The following LHFPL3 variants were observed in gnomAD, a reference collection of about 807,000 sequenced individuals.
The protein encoded by LHFPL3 is LHFPL tetraspan subfamily member 3.
A neutral mutation model predicts 19.3 loss-of-function variants in LHFPL3; 5 were observed. The observed-to-expected ratio is 0.26, with a 90% CI of 0.14 to 0.54. The LOEUF (loss-of-function observed/expected upper bound fraction) is 0.54, where lower values mean the gene tolerates loss of function less well. Among genes scored for constraint, LHFPL3 ranks in the 20% least tolerant of loss-of-function variants. LHFPL3 has a pLI of 0.94. For missense variants in LHFPL3, 249 were observed against 307.4 expected (o/e 0.81, Z 1.42); for synonymous variants, 133 against 126.2 (o/e 1.05, Z -0.36).
At chr7:104,682,675 G>A (rs1400087337) in intron 1 of LHFPL3, among the ~76,000 whole-genome samples, 1 of 152,112 alleles carries the variant, frequency 6.6e-6, no homozygotes, top group African/African-American at 2.4e-5. Context: ...TGGATAAATG[G>A]GGCCCCTTCC....
intron 1 of LHFPL3, among the ~76,000 whole-genome samples, chr7:104,666,226 ATTG>A (rs1283212063): frequency 6.6e-6 from 1 of 152,046 alleles, no homozygotes; most frequent in Non-Finnish European, 1.5e-5. Context: ...TATACAATAT[ATTG>A]TTGTTAACTA....
chr7:104,730,838 T>G (rs563399742), intron 1 of LHFPL3, among the ~76,000 whole-genome samples: 187 of 152,234 alleles, frequency 1.2e-3, no homozygotes, highest in African/African-American at 4.2e-3. Flanking sequence ...TGTCCTGAAT[T>G]GTATCGCCTA....
At chr7:104,642,905 G>A (rs905928760) in intron 1 of LHFPL3, among the ~76,000 whole-genome samples, 69 of 152,240 alleles carry the variant, frequency 4.5e-4, no homozygotes, top group Admixed American at 3.1e-3. Context: ...TTGTGTTGTT[G>A]TTATTGTTTT....
At position 104,645,623 on chromosome 7, in the gene LHFPL3, C is replaced by G. The variant is rs1033912039; in HGVS notation, c.446-91052C>G. Among the ~76,000 whole-genome samples, 27 of 148,450 alleles carry G rather than the reference C, an allele frequency of 1.8e-4. 1 individual carries two copies. Among genetic ancestry groups the G allele is most frequent in the African/African-American group, 6.5e-4 (26 of 40,150 alleles). ...TAAATCTTCATGGAAAGTGAGGCAA[C>G]TCTCCTGACATATTTGCTCTATTGG... On this transcript the variant is annotated intron_variant, in intron 1 of 2. Transcript: ENST00000424859.
chr7:104,432,324 G>C (rs1792018562), intron 1 of LHFPL3, among the ~76,000 whole-genome samples: 1 of 152,174 alleles, frequency 6.6e-6, no homozygotes, highest in South Asian at 2.1e-4. Context: ...ATCTTGTCAA[G>C]ACCTAGAAGA....
intron 1 of LHFPL3, among the ~76,000 whole-genome samples, chr7:104,414,997 G>C (rs150024167): frequency 6.6e-6 from 1 of 152,074 alleles, no homozygotes; most frequent in Non-Finnish European, 1.5e-5. Context: ...GTTACATTTC[G>C]GGTAAATGTT....
intron 1 of LHFPL3, among the ~76,000 whole-genome samples, chr7:104,532,218 G>A (rs1403543218): frequency 6.6e-6 from 1 of 151,026 alleles, no homozygotes; most frequent in African/African-American, 2.4e-5. Context: ...CTGGGCTCAA[G>A]CCATCCTCCT....
chr7:104,437,996 T>C (rs1199264160), intron 1 of LHFPL3, among the ~76,000 whole-genome samples: 1 of 152,026 alleles, frequency 6.6e-6, no homozygotes, highest in African/African-American at 2.4e-5. Context: ...CATACAGGAG[T>C]CCATTAAGAG....
intron 1 of LHFPL3, among the ~76,000 whole-genome samples, chr7:104,568,802 C>G (rs981017158): frequency 6.6e-6 from 1 of 152,168 alleles, no homozygotes; most frequent in Non-Finnish European, 1.5e-5. Flanking sequence ...TCAGAGAAAC[C>G]AGAATTCATC....
chr7:104,778,899 T>C (rs1794676743), intron 2 of LHFPL3, among the ~76,000 whole-genome samples: 1 of 152,250 alleles, frequency 6.6e-6, no homozygotes, highest in African/African-American at 2.4e-5. Flanking sequence ...AACAGAATTA[T>C]TTTATGTGGC....
Position 104,896,708 on chromosome 7 carries a change from G to C in LHFPL3, c.683-9479G>C, listed in dbSNP as rs377287922. On this transcript the variant is annotated intron_variant, in intron 2 of 2. Coordinates refer to ENST00000424859, the MANE Select transcript of LHFPL3 (RefSeq NM_199000.3). ...TGAGGTGGGAAACCCCAGAGGAGGG[G>C]CTGGAGCAGGGAGAGGCCACAGGAG... Among the ~76,000 whole-genome samples the C allele has an allele frequency of 5.3e-5, 8 of 152,310 alleles. No individual in the cohort carries two copies. In the East Asian group the frequency reaches 1.5e-3, roughly 29 times the overall value.
At chr7:104,362,072 C>T (rs1458063045) in intron 1 of LHFPL3, among the ~76,000 whole-genome samples, 4 of 152,230 alleles carry the variant, frequency 2.6e-5, no homozygotes, top group African/African-American at 9.6e-5. Context: ...AGGTCTTCTT[C>T]TTCCCAGAGA....
At chr7:104,851,917 A>T (rs1477909220) in intron 2 of LHFPL3, among the ~76,000 whole-genome samples, 2 of 152,080 alleles carry the variant, frequency 1.3e-5, no homozygotes, top group Admixed American at 6.5e-5. Context: ...ACGTGGGCAG[A>T]GCAGGAGAAA....
At chr7:104,381,852 A>G (rs981017308) in intron 1 of LHFPL3, among the ~76,000 whole-genome samples, 2 of 152,254 alleles carry the variant, frequency 1.3e-5, no homozygotes, top group African/African-American at 4.8e-5. Flanking sequence ...TGAGTGAAAT[A>G]TCACTGCTTC....
At chr7:104,666,552 C>T (rs1002066238) in intron 1 of LHFPL3, among the ~76,000 whole-genome samples, 4 of 55,368 alleles carry the variant, frequency 7.2e-5, no homozygotes, top group East Asian at 4.7e-4. Flanking sequence ...GACGGAGTCT[C>T]GCTCTGTCGC....
chr7:104,616,967 G>C (rs571432598), intron 1 of LHFPL3, among the ~76,000 whole-genome samples: 1 of 152,318 alleles, frequency 6.6e-6, no homozygotes, highest in Admixed American at 6.5e-5. Flanking sequence ...TCTCATGCCA[G>C]TTAGAATGGC....
Position 104,666,588 on chromosome 7 carries a change from C to G in LHFPL3, c.446-70087C>G, listed in dbSNP as rs1398907195. On this transcript the variant is annotated intron_variant, in intron 1 of 2. Transcript: ENST00000424859. ...CCAGGCTGGAGTGCAGTGGCGGGAT[C>G]TCGGCTCACTGCAAGCTCCGCCTCC... 2.5e-4 allele frequency among the ~76,000 whole-genome samples: 29 copies of G among 116,370 alleles called. No individual in the cohort carries two copies. The South Asian group carries it at 9.2e-3, about 37-fold the overall frequency. 76.3% of individuals were successfully genotyped at this position (116,370 alleles called of 152,430 possible). A position where few individuals can be genotyped will look rare whatever the true frequency, so the allele number is the denominator to read the frequency against.
chr7:104,816,021 A>G (rs1432623135), intron 2 of LHFPL3, among the ~76,000 whole-genome samples: 1 of 152,140 alleles, frequency 6.6e-6, no homozygotes, highest in Non-Finnish European at 1.5e-5. Context: ...CCCTTGGCAC[A>G]ATGAGAATTA....
chr7:104,580,094 C>A (rs1790428392), intron 1 of LHFPL3, among the ~76,000 whole-genome samples: 1 of 152,132 alleles, frequency 6.6e-6, no homozygotes, highest in Non-Finnish European at 1.5e-5. Flanking sequence ...CTTGCAGAGA[C>A]CCTCAGGAGA....
Sources: allele counts gnomAD v4.1 joint callset (sites outside exome capture counted in the v4.1 genomes callset), GRCh38; gene constraint gnomAD v4.1.1; transcripts MANE v1.5; gene names NCBI Gene and HGNC (gene_info 2026-07-23, HGNC 2026-07-21).